Variants in CPN1 observed in about 807,000 individuals in gnomAD.
The protein encoded by CPN1 is carboxypeptidase N subunit 1, also known as carboxypeptidase N catalytic chain.
In CPN1, 37 loss-of-function variants were observed where a neutral mutation model predicts 46.4. That is an observed-to-expected ratio of 0.80 (90% CI 0.61 to 1.05). The LOEUF is 1.05. Ranked by LOEUF, CPN1 falls within the 50% of genes least tolerant of loss-of-function variation. The pLI is 0.00. For synonymous variants in CPN1, 224 were observed against 235.4 expected, an observed-to-expected ratio of 0.95 and a Z score of 0.44; for missense variants, 563 against 602.6, an observed-to-expected ratio of 0.93 and a Z score of 0.69.
Position 100,042,222 on chromosome 10 carries a change from C to T in CPN1, c.*205G>A. The T allele has an allele frequency of 1.6e-6, 1 of 638,970 alleles. No individual in the cohort carries two copies. The highest frequency in any genetic ancestry group is 2.7e-6 in the Non-Finnish European group (1 of 376,924). 39.6% of individuals were successfully genotyped at this position (638,970 alleles called of 1,614,324 possible). On this transcript the variant is annotated 3_prime_UTR_variant, in exon 9 of 9. Coordinates refer to ENST00000370418, the MANE Select transcript of CPN1 (RefSeq NM_001308.3). ...TACAGATGTGAGCCACCACACCCGG[C>T]CACCACATCACCTTTCAATAGATCC...
intron 6 of CPN1, among the ~76,000 whole-genome samples, chr10:100,054,961 G>A (rs1360423099): frequency 6.6e-6 from 1 of 151,102 alleles, no homozygotes; most frequent in Admixed American, 6.6e-5. Context: ...CATTTAGCTA[G>A]GTGCAGTGGC....
intron 3 of CPN1, among the ~76,000 whole-genome samples, chr10:100,068,279 T>C (rs1429395154): frequency 2.1e-5 from 3 of 145,710 alleles, no homozygotes; most frequent in Non-Finnish European, 4.5e-5. Flanking sequence ...AGTGGCACTA[T>C]CTCAGCTCAC....
At chr10:100,045,276 T>C (rs368066791) in intron 8 of CPN1, among the ~76,000 whole-genome samples, 16 of 152,312 alleles carry the variant, frequency 1.1e-4, no homozygotes, top group East Asian at 9.6e-4. Context: ...TTGTTTGAAT[T>C]TGGCGTTGAA....
At position 100,070,222 on chromosome 10, in the gene CPN1, C is replaced by T. The variant is rs528929939; in HGVS notation, c.421-353G>A. Among the ~76,000 whole-genome samples the T allele has an allele frequency of 2.6e-5, 4 of 151,998 alleles. No individual in the cohort carries two copies. In the East Asian group the frequency reaches 7.9e-4, roughly 30 times the overall value. On this transcript the variant is annotated intron_variant, in intron 2 of 8. Coordinates refer to ENST00000370418, the MANE Select transcript of CPN1 (RefSeq NM_001308.3). ...AGAGGCCAGGTGCAGTGGCTCACAC[C>T]TGTAATCTCAGCACTTTGGGAGGCG... is the stretch of plus-strand genomic sequence containing the variant.
intron 1 of CPN1, among the ~76,000 whole-genome samples, chr10:100,080,060 T>G (rs1249950204): frequency 1.4e-5 from 2 of 147,766 alleles, no homozygotes; most frequent in African/African-American, 5.0e-5. Context: ...CATTCCAGCC[T>G]GGGCAACAGA....
chr10:100,053,340 A>AT (rs1347782346), intron 7 of CPN1, among the ~76,000 whole-genome samples: 1 of 152,162 alleles, frequency 6.6e-6, no homozygotes, highest in Admixed American at 6.6e-5. Flanking sequence ...ACTTGCTAGT[A>AT]TTAAGGTTGT....
intron 5 of CPN1, among the ~76,000 whole-genome samples, chr10:100,060,740 A>G (rs1469559951): frequency 6.6e-6 from 1 of 152,224 alleles, no homozygotes; most frequent in African/African-American, 2.4e-5. Context: ...CTACTAGTTG[A>G]TTCAGCAATC....
chr10:100,080,228 C>T (rs2041537190), intron 1 of CPN1, among the ~76,000 whole-genome samples: 2 of 152,006 alleles, frequency 1.3e-5, no homozygotes, highest in South Asian at 4.2e-4. Context: ...GAAGGAGGAA[C>T]TGGTAAGGAA....
At chr10:100,069,453 C>T (rs781216303) in intron 3 of CPN1, among the ~76,000 whole-genome samples, 7 of 150,208 alleles carry the variant, frequency 4.7e-5, no homozygotes, top group Non-Finnish European at 1.0e-4. Flanking sequence ...TACACTCCAG[C>T]CTGGGCGACA....
intron 1 of CPN1, 37 bp downstream of exon 1, chr10:100,081,366 C>G (rs1392458198): frequency 6.3e-7 from 1 of 1,579,898 alleles, no homozygotes; most frequent in South Asian, 1.1e-5. Flanking sequence ...GGGAAAGGCC[C>G]TGCCCCACAC....
Position 100,048,782 on chromosome 10 carries a change from G to A in CPN1, c.1206C>T (p.Thr402=), listed in dbSNP as rs750462179. Residue 402 remains threonine (T), a synonymous_variant, in exon 8 of 9, where the codon ACC becomes ACT. Coordinates refer to ENST00000370418, the MANE Select transcript of CPN1 (RefSeq NM_001308.3). The stretch of plus-strand genomic sequence containing the variant: ...CCAACGTTGGTTCCGCAGGACCCAC[G>A]GTCACAGTTACTGTCTCTGGGTCAT... The part of the protein sequence containing the change: ...PGYDPETVTV[T]VGPAEPTLVN... 1.6e-5 allele frequency: 26 copies of A among 1,613,060 alleles called. No homozygotes were observed. The highest frequency in any genetic ancestry group is 8.3e-5 in the Admixed American group (5 of 60,000).
chr10:100,045,843 G>A lies in CPN1; in HGVS notation c.1230+2915C>T, dbSNP rs560168020. The stretch of plus-strand genomic sequence containing the variant: ...GACAAGCTTGACTGGACTGCATTGT[G>A]TTAATAGGGAAAGGTGGTGGGAGGG... On this transcript the variant is annotated intron_variant, in intron 8 of 8. Coordinates refer to ENST00000370418, the MANE Select transcript of CPN1 (RefSeq NM_001308.3). Among the ~76,000 whole-genome samples the A allele has an allele frequency of 4.1e-4, 62 of 152,286 alleles. 2 individuals are homozygous for A. Among genetic ancestry groups the A allele is most frequent in the African/African-American group, 1.5e-3 (62 of 41,548 alleles).
rs569368419 is a variant in CPN1 at position 100,058,866 on chromosome 10, G to A, written c.872-1714C>T. 7.9e-5 allele frequency among the ~76,000 whole-genome samples: 12 copies of A among 152,202 alleles called. No individual in the cohort carries two copies. The South Asian group carries it at 2.5e-3, about 32-fold the overall frequency. ...AGGTATATAGATCAATGGAAAGGAA[G>A]ACAGCCCAGAAACCCTTGCATATAT... On this transcript the variant is annotated intron_variant, in intron 5 of 8. Transcript: ENST00000370418.
In CPN1 at chr10:100,057,098, A is replaced by G; in HGVS notation, c.926T>C (p.Leu309Pro). The change falls in exon 6 of 9, where the codon CTG becomes CCG. Residue 309 changes from leucine (L) to proline (P), a missense_variant. Coordinates refer to ENST00000370418, the MANE Select transcript of CPN1 (RefSeq NM_001308.3). ...TTCGGGGGGAAACTTGTCGCAACTC[A>G]GTTCCAGCGTGATCTCAAAGCAGTT... is the stretch of plus-strand genomic sequence containing the variant. ...HTNCFEITLE[L>P]SCDKFPPEEE... The G allele has an allele frequency of 6.2e-7, 1 of 1,614,184 alleles. No individual in the cohort carries two copies. Among genetic ancestry groups the G allele is most frequent in the Non-Finnish European group, 8.5e-7 (1 of 1,180,030 alleles).
rs183984474 is a variant in CPN1, at chr10:100,057,209, A to G, written c.872-57T>C. 15 of 1,574,306 alleles carry G rather than the reference A, an allele frequency of 9.5e-6. No individual in the cohort carries two copies. The Admixed American group carries it at 2.6e-4, about 28-fold the overall frequency. ...TAACCAGGTTCCCACCCAATGCCCC[A>G]TCTCATCTCTCTCTCTCTCTTTTTA... On this transcript the variant is annotated intron_variant, in intron 5 of 8. Transcript: ENST00000370418.
intron 1 of CPN1, among the ~76,000 whole-genome samples, 193 bp from the exon 2 acceptor site, chr10:100,076,300 T>C (rs2041514975): frequency 6.6e-6 from 1 of 152,156 alleles, no homozygotes; most frequent in Non-Finnish European, 1.5e-5. Context: ...ATGCCAGGGA[T>C]GATAATGAGT....
intron 5 of CPN1, 27 bp downstream of exon 5, chr10:100,063,586 CT>C (rs1209209563): frequency 6.7e-7 from 1 of 1,495,054 alleles, no homozygotes; most frequent in Non-Finnish European, 9.3e-7. Flanking sequence ...TCCACTTCAG[CT>C]TGAGCAGTTC....
rs1589477930 is a variant in CPN1, at chr10:100,070,152, TC to T, written c.421-284del. ...CTGGTTGCCCAGGCTGGTATCAAAC[TC>T]CTGGGCTCAAGTGATCCACCCACCT... is the stretch of plus-strand genomic sequence containing the variant. On this transcript the variant is annotated intron_variant, in intron 2 of 8. Coordinates refer to ENST00000370418, the MANE Select transcript of CPN1 (RefSeq NM_001308.3). Among the ~76,000 whole-genome samples, 5 of 151,574 alleles carry T rather than the reference TC, an allele frequency of 3.3e-5. No individual in the cohort carries two copies. The South Asian group carries it at 1.0e-3, about 32-fold the overall frequency.
chr10:100,046,511 G>A (rs1025200269), intron 8 of CPN1, among the ~76,000 whole-genome samples: 7 of 152,194 alleles, frequency 4.6e-5, no homozygotes, highest in East Asian at 1.9e-4. Context: ...AGTGGCTCAC[G>A]CCTGTAATCT....
Sources: gnomAD v4.1 joint callset for allele counts (sites outside exome capture counted in the v4.1 genomes callset) on GRCh38, gnomAD v4.1.1 for gene constraint, MANE v1.5 for transcripts, NCBI Gene and HGNC (gene_info 2026-07-23, HGNC 2026-07-21) for gene names.